Variants in CIMIP1 observed in about 807,000 individuals in gnomAD.
CIMIP1 encodes ciliary microtubule inner protein 1, also known as low in lung cancer 1.
chr20:58,158,354 A>C, the CIMIP1 span, among the ~76,000 whole-genome samples: 14 of 152,332 alleles, frequency 9.2e-5, no homozygotes, highest in South Asian at 2.3e-3. Context: ...TTTCTTGCCC[A>C]AGAAATGGTA....
the CIMIP1 span, chr20:58,153,768 C>A: frequency 1.6e-6 from 1 of 643,282 alleles, no homozygotes. Context: ...AGAAGGTTCC[C>A]GCCTTTCACA....
chr20:58,158,282 A>C, the CIMIP1 span, among the ~76,000 whole-genome samples: 2 of 152,310 alleles, frequency 1.3e-5, no homozygotes, highest in African/African-American at 2.4e-5. Flanking sequence ...TGGCAGGGGT[A>C]AGGACAAGAA....
chr20:58,160,803 C>G, the CIMIP1 span: 1 of 1,612,692 alleles, frequency 6.2e-7, no homozygotes, highest in African/African-American at 1.3e-5. Context: ...CTGTGCTGGC[C>G]CAAGCAGGGC....
chr20:58,155,776 A>G, the CIMIP1 span, among the ~76,000 whole-genome samples: 2 of 152,216 alleles, frequency 1.3e-5, no homozygotes, highest in African/African-American at 4.8e-5. Flanking sequence ...AAGTGCAAGC[A>G]CCATGACCTC....
the CIMIP1 span, among the ~76,000 whole-genome samples, chr20:58,157,854 A>C: frequency 6.6e-6 from 1 of 152,244 alleles, no homozygotes; most frequent in East Asian, 1.9e-4. Flanking sequence ...CGGAGAATAG[A>C]GGAAGAGAGA....
chr20:58,155,335 C>T, the CIMIP1 span: 7 of 647,398 alleles, frequency 1.1e-5, no homozygotes, highest in South Asian at 2.0e-5. Flanking sequence ...CTATAAAATG[C>T]GCCTTCTAGG....
At chr20:58,158,131 C>T in the CIMIP1 span, among the ~76,000 whole-genome samples, 1 of 152,116 alleles carries the variant, frequency 6.6e-6, no homozygotes, top group Admixed American at 6.5e-5. Flanking sequence ...CAGAGAGGTG[C>T]CCCTCCTGGA....
chr20:58,161,023 A>C, the CIMIP1 span: 1 of 465,174 alleles, frequency 2.1e-6, no homozygotes, highest in South Asian at 5.7e-5. Flanking sequence ...TCACGTCCAC[A>C]CCCATTCTTG....
At chr20:58,158,604 C>T in the CIMIP1 span, among the ~76,000 whole-genome samples, 1 of 151,728 alleles carries the variant, frequency 6.6e-6, no homozygotes, top group Admixed American at 6.6e-5. Flanking sequence ...GAGCCGAGAT[C>T]GTGCCACTGC....
At chr20:58,160,304 G>A in the CIMIP1 span, among the ~76,000 whole-genome samples, 2 of 152,160 alleles carry the variant, frequency 1.3e-5, no homozygotes, top group Non-Finnish European at 2.9e-5. Flanking sequence ...TGCACCTGCC[G>A]CAATGCCATC....
At chr20:58,153,973 C>G in the CIMIP1 span, among the ~76,000 whole-genome samples, 1 of 152,232 alleles carries the variant, frequency 6.6e-6, no homozygotes, top group Non-Finnish European at 1.5e-5. Flanking sequence ...GCAGGTGGGT[C>G]TGATGCCACA....
the CIMIP1 span, chr20:58,153,501 C>T: frequency 6.6e-7 from 1 of 1,504,970 alleles, no homozygotes; most frequent in Non-Finnish European, 9.3e-7. Context: ...ACCCCTTGAA[C>T]CTTTTTCCGT....
At chr20:58,155,145 G>A in the CIMIP1 span, among the ~76,000 whole-genome samples, 2 of 152,200 alleles carry the variant, frequency 1.3e-5, no homozygotes, top group African/African-American at 2.4e-5. Context: ...AACTGGTAAC[G>A]TTTTCTCAAA....
chr20:58,160,234 G>C, the CIMIP1 span, among the ~76,000 whole-genome samples: 4 of 152,280 alleles, frequency 2.6e-5, no homozygotes, highest in Admixed American at 2.0e-4. Context: ...TCCACGGTTT[G>C]GAGTGTGTGT....
the CIMIP1 span, among the ~76,000 whole-genome samples, chr20:58,155,234 A>G: frequency 1.3e-5 from 2 of 152,250 alleles, no homozygotes; most frequent in African/African-American, 4.8e-5. Flanking sequence ...CTTTGGGTGC[A>G]GCAGGCCTGC....
At chr20:58,160,672 C>A in the CIMIP1 span, 3 of 1,613,474 alleles carry the variant, frequency 1.9e-6, no homozygotes, top group South Asian at 1.1e-5. Flanking sequence ...TCTTTCCATC[C>A]CCCCCAGTCC....
the CIMIP1 span, among the ~76,000 whole-genome samples, chr20:58,158,319 A>G: frequency 6.6e-6 from 1 of 152,334 alleles, no homozygotes; most frequent in South Asian, 2.1e-4. Flanking sequence ...AAAGGTCCCC[A>G]GCCTCTGCTT....
the CIMIP1 span, among the ~76,000 whole-genome samples, chr20:58,151,339 G>T: frequency 6.8e-6 from 1 of 146,674 alleles, no homozygotes; most frequent in Non-Finnish European, 1.5e-5. Context: ...ACATGTTCAT[G>T]TTTTTTTTTT....
chr20:58,160,349 GA>G, the CIMIP1 span, among the ~76,000 whole-genome samples: 1 of 152,178 alleles, frequency 6.6e-6, no homozygotes, highest in African/African-American at 2.4e-5. Flanking sequence ...AAAAGGCAGT[GA>G]AAACTGTAGC....
Sources: gnomAD v4.1 joint callset for allele counts (sites outside exome capture counted in the v4.1 genomes callset) on GRCh38, gnomAD v4.1.1 for gene constraint, MANE v1.5 for transcripts, NCBI Gene and HGNC (gene_info 2026-07-23, HGNC 2026-07-21) for gene names.